Variants in PLXNC1 observed in about 807,000 individuals in gnomAD.
PLXNC1 encodes the protein plexin-C1.
A neutral mutation model predicts 178.2 loss-of-function variants in PLXNC1; 75 were observed. That is an observed-to-expected ratio of 0.42 (90% CI 0.35 to 0.51). PLXNC1 has a LOEUF of 0.51. PLXNC1 is among the 20% of genes least tolerant of loss of function. The probability of loss-of-function intolerance (pLI) is 0.02; values close to 1 mark genes in which losing one functional copy is unlikely to be tolerated. For synonymous variants in PLXNC1, 790 were observed against 779.9 expected, an observed-to-expected ratio of 1.01 and a Z score of -0.22; for missense variants, 1,503 against 1,984.4, an observed-to-expected ratio of 0.76 and a Z score of 4.61.
At chr12:94,292,165 C>G (rs1191751550) in intron 23 of PLXNC1, among the ~76,000 whole-genome samples, 2 of 152,056 alleles carry the variant, frequency 1.3e-5, no homozygotes, top group Non-Finnish European at 2.9e-5. Context: ...TGTCACAGAC[C>G]TTATACTGAC....
Position 94,248,224 on chromosome 12 carries a change from C to T in PLXNC1, c.2593-3C>T, listed in dbSNP as rs1274187570. 4 of 1,606,720 alleles carry T rather than the reference C, an allele frequency of 2.5e-6. No individual in the cohort carries two copies. On this transcript the variant is annotated splice_region_variant and splice_polypyrimidine_tract_variant and intron_variant, in intron 13 of 30. Transcript: ENST00000258526. Reference sequence around the variant, plus strand: ...TTCTCCATCTTCATTTTGTTCTTTACAGAAAGAAAATGACAACTTCAACAT... The same window carrying T: ...TTCTCCATCTTCATTTTGTTCTTTATAGAAAGAAAATGACAACTTCAACAT...
chr12:94,289,424 G>A (rs576070429), intron 23 of PLXNC1, among the ~76,000 whole-genome samples: 3 of 152,266 alleles, frequency 2.0e-5, no homozygotes, highest in South Asian at 2.1e-4. Flanking sequence ...TGAAATTGCC[G>A]TGCGTACCAG....
chr12:94,176,259 T>C (rs933975616), intron 2 of PLXNC1: 24 of 152,218 alleles, frequency 1.6e-4, no homozygotes, highest in Non-Finnish European at 2.8e-4. Context: ...CTTGCTCCAG[T>C]CTTGCTGGCT....
At chr12:94,262,617 T>G in intron 20 of PLXNC1, 2 of 985,474 alleles carry the variant, frequency 2.0e-6, no homozygotes, top group Non-Finnish European at 2.4e-6. Context: ...GGCGATACTT[T>G]CACTTTCAGT....
intron 20 of PLXNC1, 118 bp from the exon 21 acceptor site, chr12:94,264,961 T>G: frequency 9.9e-7 from 1 of 1,012,618 alleles, no homozygotes; most frequent in Non-Finnish European, 1.5e-6. Context: ...GGGCGTTTCA[T>G]GTTGAGTGTT....
At position 94,275,783 on chromosome 12, in the gene PLXNC1, A is replaced by AGC. The variant is rs1408482956; in HGVS notation, c.3598-3688_3598-3687insCG. ...GGCAGGAGAATGGCGTGAACCCGGG[A>AGC]GGCGGAGCTTGCAGTGAGCCGAGAT... On this transcript the variant is annotated intron_variant, in intron 21 of 30. Coordinates refer to ENST00000258526, the MANE Select transcript of PLXNC1 (RefSeq NM_005761.3). Among the ~76,000 whole-genome samples, 2 of 78,852 alleles carry AGC rather than the reference A, an allele frequency of 2.5e-5. 1 individual carries two copies. The highest frequency in any genetic ancestry group is 4.8e-5 in the Non-Finnish European group (2 of 41,850). The allele number at this position is 78,852 out of a possible 152,430, so 51.7% of individuals were successfully genotyped here.
At chr12:94,176,981 G>A (rs1046186212) in intron 2 of PLXNC1, among the ~76,000 whole-genome samples, 4 of 150,484 alleles carry the variant, frequency 2.7e-5, no homozygotes, top group African/African-American at 9.8e-5. Flanking sequence ...CCCTATTGCT[G>A]GAGATTTAAG....
At chr12:94,297,528 T>C in intron 26 of PLXNC1, 105 bp downstream of exon 26, 2 of 772,656 alleles carry the variant, frequency 2.6e-6, no homozygotes, top group South Asian at 3.4e-5. Flanking sequence ...CCCTTGTGCC[T>C]TCTAGCAAAG....
chr12:94,166,198 T>C (rs1211422150), intron 1 of PLXNC1, among the ~76,000 whole-genome samples: 1 of 151,398 alleles, frequency 6.6e-6, no homozygotes, highest in African/African-American at 2.4e-5. Context: ...TTAAATGAAG[T>C]AATGATAGCA....
intron 24 of PLXNC1, among the ~76,000 whole-genome samples, chr12:94,296,946 AAGAGATC>A (rs1421424302): frequency 3.9e-5 from 6 of 152,140 alleles, no homozygotes; most frequent in Admixed American, 2.0e-4. Flanking sequence ...TCCTACCAGC[AAGAGATC>A]AGAGATCACT....
rs1288374174 is a variant in PLXNC1 at position 94,255,309 on chromosome 12, TGATCATATTCC to T, written c.3087+16_3087+26del. On this transcript the variant is annotated intron_variant, in intron 17 of 30. Transcript: ENST00000258526. The stretch of plus-strand genomic sequence containing the variant: ...TTTCTTCCCTGAGGTAAAAGAGCAT[TGATCATATTCC>T]GAAGGTTGAGTCTTGAATAATAATG... The T allele has an allele frequency of 6.6e-7, 1 of 1,518,934 alleles. No homozygotes were observed. The allele number at this position is 1,518,934 out of a possible 1,614,324, so 94.1% of individuals were successfully genotyped here.
intron 4 of PLXNC1, among the ~76,000 whole-genome samples, chr12:94,208,710 G>T (rs1963378154): frequency 1.3e-5 from 2 of 152,208 alleles, no homozygotes; most frequent in South Asian, 4.1e-4. Context: ...GCTATTCAAT[G>T]GAATATCTGT....
chr12:94,204,695 T>G (rs1210821820), intron 4 of PLXNC1, among the ~76,000 whole-genome samples: 1 of 152,156 alleles, frequency 6.6e-6, no homozygotes, highest in Non-Finnish European at 1.5e-5. Context: ...GTCCCCCGAT[T>G]CTGGAGACCA....
Position 94,282,289 on chromosome 12 carries a change from C to G in PLXNC1, c.3776-9C>G, listed in dbSNP as rs1966497647. On this transcript the variant is annotated splice_polypyrimidine_tract_variant and intron_variant, in intron 22 of 30. Coordinates refer to ENST00000258526, the MANE Select transcript of PLXNC1 (RefSeq NM_005761.3). ...ACTCTCTAAAAAGGAACAAAATGCT[C>G]TTTTTCAGAGCTTCAAATGGGCACA... 4 of 1,602,222 alleles carry G rather than the reference C, an allele frequency of 2.5e-6. No homozygotes were observed. In the East Asian group the frequency reaches 6.7e-5, roughly 27 times the overall value.
intron 23 of PLXNC1, among the ~76,000 whole-genome samples, chr12:94,293,078 A>G (rs910256433): frequency 1.2e-4 from 19 of 152,114 alleles, no homozygotes; most frequent in African/African-American, 4.6e-4. Context: ...CTCTATGTAA[A>G]TGGAATCAGT....
chr12:94,229,422 T>C (rs1345559681), intron 9 of PLXNC1, among the ~76,000 whole-genome samples: 7 of 152,258 alleles, frequency 4.6e-5, no homozygotes, highest in Admixed American at 4.6e-4. Flanking sequence ...GTCCAGTTCA[T>C]TTATTTTTTC....
intron 1 of PLXNC1, chr12:94,158,191 A>G (rs1375379660): frequency 6.6e-6 from 1 of 152,204 alleles, no homozygotes; most frequent in Non-Finnish European, 1.5e-5. Flanking sequence ...GCCTGGGAGG[A>G]TCTGGGAGGC....
intron 24 of PLXNC1, among the ~76,000 whole-genome samples, chr12:94,295,732 T>A (rs57925369): frequency 1.3e-5 from 2 of 151,762 alleles, no homozygotes; most frequent in Non-Finnish European, 2.9e-5. Context: ...TGGCACACAG[T>A]GGGTCACTAT....
chr12:94,294,652 A>G, intron 24 of PLXNC1, 112 bp downstream of exon 24: 5 of 587,918 alleles, frequency 8.5e-6, no homozygotes, highest in Non-Finnish European at 1.6e-5. Context: ...GTTGCTATGT[A>G]ATTCTCTGAA....
Sources: gnomAD v4.1 joint callset for allele counts (sites outside exome capture counted in the v4.1 genomes callset) on GRCh38, gnomAD v4.1.1 for gene constraint, MANE v1.5 for transcripts, NCBI Gene and HGNC (gene_info 2026-07-23, HGNC 2026-07-21) for gene names.